PCDH15: variants seen among roughly 807,000 people sequenced by gnomAD.
PCDH15 encodes the protein protocadherin related 15, also known as protocadherin-15.
A neutral mutation model predicts 178.5 loss-of-function variants in PCDH15; 129 were observed. That is an observed-to-expected ratio of 0.72 (90% CI 0.63 to 0.84). PCDH15 has a LOEUF of 0.84. PCDH15 is among the 40% of genes least tolerant of loss of function. The probability of loss-of-function intolerance (pLI) is 0.00; values close to 1 mark genes in which losing one functional copy is unlikely to be tolerated. For synonymous variants in PCDH15, 800 were observed against 732.0 expected (o/e 1.09, Z -1.50); for missense variants, 2,230 against 2,099.9 (o/e 1.06, Z -1.21).
At chr10:54,906,173 T>A (rs1352746970) in intron 2 of PCDH15, among the ~76,000 whole-genome samples, 1 of 152,030 alleles carries the variant, frequency 6.6e-6, no homozygotes, top group Non-Finnish European at 1.5e-5. Context: ...TAGAAAAGAA[T>A]CCAACATCCA....
intron 2 of PCDH15, among the ~76,000 whole-genome samples, chr10:54,989,983 C>T (rs1839461340): frequency 6.6e-6 from 1 of 152,172 alleles, no homozygotes; most frequent in Non-Finnish European, 1.5e-5. Flanking sequence ...AGTTCCCCTG[C>T]ACAAGCTCTC....
At chr10:55,601,015 C>CT (rs1378154375) in intron 2 of PCDH15, among the ~76,000 whole-genome samples, 3 of 151,952 alleles carry the variant, frequency 2.0e-5, no homozygotes, top group African/African-American at 4.8e-5. Context: ...GAAAAGTTAG[C>CT]TTTTTTTGCC....
At chr10:53,987,751 T>C (rs1315304589) in intron 21 of PCDH15, among the ~76,000 whole-genome samples, 1 of 152,146 alleles carries the variant, frequency 6.6e-6, no homozygotes, top group Non-Finnish European at 1.5e-5. Flanking sequence ...GTCCTTCATT[T>C]AAATTTCATT....
chr10:55,373,019 A>T (rs1037220377), intron 2 of PCDH15, among the ~76,000 whole-genome samples: 1 of 152,056 alleles, frequency 6.6e-6, no homozygotes, highest in East Asian at 1.9e-4. Flanking sequence ...AGACATTAAG[A>T]TTCAAAAAAT....
At chr10:54,160,486 G>A (rs935707376) in intron 13 of PCDH15, among the ~76,000 whole-genome samples, 1 of 152,050 alleles carries the variant, frequency 6.6e-6, no homozygotes, top group South Asian at 2.1e-4. Flanking sequence ...TAATATAGGA[G>A]AAAATCTTTG....
chr10:54,486,644 C>T (rs1177596619), intron 3 of PCDH15, among the ~76,000 whole-genome samples: 9 of 150,100 alleles, frequency 6.0e-5, no homozygotes, highest in African/African-American at 2.2e-4. Flanking sequence ...GATTTTTTTT[C>T]CTTTCTTGTT....
chr10:54,279,816 C>T (rs1375108165), intron 8 of PCDH15, among the ~76,000 whole-genome samples: 1 of 151,662 alleles, frequency 6.6e-6, no homozygotes, highest in Non-Finnish European at 1.5e-5. Context: ...TGACATTTAT[C>T]TAAAACACTT....
chr10:54,468,313 TAGTA>T (rs1438095352), intron 3 of PCDH15, among the ~76,000 whole-genome samples: 2 of 152,044 alleles, frequency 1.3e-5, no homozygotes, highest in Non-Finnish European at 2.9e-5. Flanking sequence ...ACTTTCCTCT[TAGTA>T]TTGTTTTTTT....
intron 1 of PCDH15, among the ~76,000 whole-genome samples, chr10:55,250,298 T>C (rs1392642086): frequency 6.6e-6 from 1 of 151,738 alleles, no homozygotes; most frequent in Non-Finnish European, 1.5e-5. Flanking sequence ...AGCATGCTAC[T>C]ATGACTGGAT....
intron 1 of PCDH15, among the ~76,000 whole-genome samples, chr10:54,740,423 G>T (rs1288227906): frequency 6.6e-6 from 1 of 151,806 alleles, no homozygotes; most frequent in Non-Finnish European, 1.5e-5. Flanking sequence ...TACATTCTTG[G>T]TGGGAATGTA....
At chr10:54,664,761 T>C (rs2094544218) in intron 1 of PCDH15, among the ~76,000 whole-genome samples, 1 of 151,910 alleles carries the variant, frequency 6.6e-6, no homozygotes, top group Non-Finnish European at 1.5e-5. Context: ...AAATGTTAAT[T>C]CCTTTCTAGT....
chr10:54,261,810 C>T (rs1463825749), intron 8 of PCDH15, among the ~76,000 whole-genome samples: 1 of 152,054 alleles, frequency 6.6e-6, no homozygotes, highest in Non-Finnish European at 1.5e-5. Flanking sequence ...TGGCAGATGG[C>T]CAAGGAGATG....
chr10:55,590,378 G>T lies in PCDH15; in HGVS notation c.-156+37247C>A, dbSNP rs550222015. On this transcript the variant is annotated intron_variant, in intron 2 of 5. Transcript: ENST00000613346. ...CCTAATGCTAAATGGCGAGTTAATGGGTGCAGCACACCAGCATGGCACATG... is the reference window on the plus strand; with the variant it reads ...CCTAATGCTAAATGGCGAGTTAATGTGTGCAGCACACCAGCATGGCACATG... Among the ~76,000 whole-genome samples the T allele has an allele frequency of 7.3e-5, 11 of 150,736 alleles. No individual in the cohort carries two copies. The East Asian group carries it at 2.2e-3, about 30-fold the overall frequency.
At chr10:55,191,595 G>A (rs1348453912) in intron 1 of PCDH15, among the ~76,000 whole-genome samples, 1 of 151,850 alleles carries the variant, frequency 6.6e-6, no homozygotes, top group Non-Finnish European at 1.5e-5. Context: ...TTTTAACATG[G>A]GAATTATAAC....
At chr10:54,109,943 T>C (rs545716545) in intron 15 of PCDH15, among the ~76,000 whole-genome samples, 2 of 152,240 alleles carry the variant, frequency 1.3e-5, no homozygotes, top group East Asian at 3.9e-4. Context: ...TATCAAAATA[T>C]CTCAATATCA....
At chr10:54,779,455 T>A (rs576989168) in intron 1 of PCDH15, among the ~76,000 whole-genome samples, 1 of 106,498 alleles carries the variant, frequency 9.4e-6, no homozygotes, top group South Asian at 3.1e-4. Flanking sequence ...TATACACTCA[T>A]ATATGTGTGT....
At chr10:54,306,892 G>C (rs2060504418) in intron 8 of PCDH15, among the ~76,000 whole-genome samples, 1 of 149,636 alleles carries the variant, frequency 6.7e-6, no homozygotes, top group South Asian at 2.1e-4. Flanking sequence ...TCAACCTTCA[G>C]CTCCTAATTC....
chr10:55,052,951 A>G (rs984966983), intron 2 of PCDH15, among the ~76,000 whole-genome samples: 16 of 152,166 alleles, frequency 1.1e-4, no homozygotes, highest in Non-Finnish European at 7.3e-5. Context: ...CAAAGACTGA[A>G]ATTGAACATT....
chr10:54,048,776 T>C lies in PCDH15; in HGVS notation c.2220+17981A>G, dbSNP rs988243681. On this transcript the variant is annotated intron_variant, in intron 18 of 37. Transcript: ENST00000644397. ...AGCCTATACTACTGTAGGCTTGTAGTATAGTTTGAAGTAGGATAATGTGAT... is the reference window on the plus strand; with the variant it reads ...AGCCTATACTACTGTAGGCTTGTAGCATAGTTTGAAGTAGGATAATGTGAT... Among the ~76,000 whole-genome samples the C allele has an allele frequency of 3.9e-5, 6 of 152,284 alleles. 1 individual carries two copies. Among genetic ancestry groups the C allele is most frequent in the Admixed American group, 3.9e-4 (6 of 15,288 alleles).
Sources: allele counts gnomAD v4.1 joint callset (sites outside exome capture counted in the v4.1 genomes callset), GRCh38; gene constraint gnomAD v4.1.1; transcripts MANE v1.5; gene names NCBI Gene and HGNC (gene_info 2026-07-23, HGNC 2026-07-21).